The following GPR158 variants were observed in gnomAD, a reference collection of about 807,000 sequenced individuals.
GPR158 encodes the protein metabotropic glycine receptor.
GPR158 carries 30 observed loss-of-function variants against 78.2 expected under a neutral mutation model. The observed-to-expected ratio is 0.38, with a 90% CI of 0.29 to 0.52. The LOEUF is 0.52. Among genes scored for constraint, GPR158 ranks in the 20% least tolerant of loss-of-function variants. The pLI, the probability that GPR158 is intolerant of heterozygous loss-of-function variation, is 0.83. For missense variants in GPR158, 1,463 were observed against 1,523.5 expected, an observed-to-expected ratio of 0.96 and a Z score of 0.66; for synonymous variants, 581 against 591.1, an observed-to-expected ratio of 0.98 and a Z score of 0.25.
At chr10:25,453,812 A>G (rs1248053908) in intron 4 of GPR158, among the ~76,000 whole-genome samples, 2 of 152,180 alleles carry the variant, frequency 1.3e-5, no homozygotes, top group African/African-American at 4.8e-5. Context: ...TGCCAGTGCC[A>G]TGCTGTTTTG....
chr10:25,529,604 T>C (rs902062505), intron 5 of GPR158, among the ~76,000 whole-genome samples: 5 of 152,034 alleles, frequency 3.3e-5, no homozygotes, highest in African/African-American at 1.2e-4. Flanking sequence ...AAGTACAAGA[T>C]AAAAGCGCAA....
intron 5 of GPR158, among the ~76,000 whole-genome samples, chr10:25,520,648 G>C (rs899970987): frequency 1.3e-5 from 2 of 151,572 alleles, no homozygotes; most frequent in South Asian, 2.1e-4. Flanking sequence ...AGGTGTCAGT[G>C]TGCCCCTGCT....
chr10:25,419,677 T>C (rs1834719781), intron 4 of GPR158, among the ~76,000 whole-genome samples: 1 of 152,162 alleles, frequency 6.6e-6, no homozygotes, highest in Admixed American at 6.5e-5. Context: ...GTTGTTGTTG[T>C]TGTTGTTTTA....
chr10:25,388,464 C>T (rs1277153440), intron 2 of GPR158, among the ~76,000 whole-genome samples: 5 of 152,238 alleles, frequency 3.3e-5, no homozygotes, highest in East Asian at 1.9e-4. Flanking sequence ...CCCATAAGCA[C>T]CAGGCCAAAT....
At position 25,338,033 on chromosome 10, in the gene GPR158, A is replaced by C. The variant is rs564170313; in HGVS notation, c.1009-57878A>C. Among the ~76,000 whole-genome samples the C allele has an allele frequency of 2.6e-5, 4 of 151,944 alleles. No individual in the cohort carries two copies. The East Asian group carries it at 5.8e-4, about 22-fold the overall frequency. ...TATTGGGGATGTAAGTTCTTTATCAAATGTAGGTATTGAAATATCTTTTCC... is the reference window on the plus strand; with the variant it reads ...TATTGGGGATGTAAGTTCTTTATCACATGTAGGTATTGAAATATCTTTTCC... On this transcript the variant is annotated intron_variant, in intron 2 of 10. Coordinates refer to ENST00000376351, the MANE Select transcript of GPR158 (RefSeq NM_020752.3).
At chr10:25,277,314 A>C (rs1422122910) in intron 2 of GPR158, among the ~76,000 whole-genome samples, 1 of 152,142 alleles carries the variant, frequency 6.6e-6, no homozygotes, top group African/African-American at 2.4e-5. Context: ...TTTTCAGATA[A>C]AGTTATAATG....
At chr10:25,204,298 G>C (rs1852982960) in intron 1 of GPR158, among the ~76,000 whole-genome samples, 1 of 152,164 alleles carries the variant, frequency 6.6e-6, no homozygotes, top group South Asian at 2.1e-4. Context: ...ACGTTGAATA[G>C]GAGTGTTGAG....
intron 7 of GPR158, among the ~76,000 whole-genome samples, chr10:25,577,364 T>A (rs1047849774): frequency 6.6e-6 from 1 of 152,086 alleles, no homozygotes; most frequent in Non-Finnish European, 1.5e-5. Flanking sequence ...GGCTTAACCG[T>A]GAGGGTGGTG....
In GPR158 at chr10:25,536,902, T is replaced by C. The variant is rs548833122; in HGVS notation, c.1405-14074T>C. 2.0e-5 allele frequency among the ~76,000 whole-genome samples: 3 copies of C among 152,304 alleles called. No individual in the cohort carries two copies. The South Asian group carries it at 6.2e-4, about 32-fold the overall frequency. Reference sequence around the variant, plus strand: ...ATCTTGGGCCTCACCACAAACCTACTGAAGCACACTTTGCATTTTGGCAAG... The same window carrying C: ...ATCTTGGGCCTCACCACAAACCTACCGAAGCACACTTTGCATTTTGGCAAG... On this transcript the variant is annotated intron_variant, in intron 5 of 10. Coordinates refer to ENST00000376351, the MANE Select transcript of GPR158 (RefSeq NM_020752.3).
chr10:25,495,663 T>TTACC (rs984750353), intron 5 of GPR158, among the ~76,000 whole-genome samples: 2 of 151,824 alleles, frequency 1.3e-5, no homozygotes, highest in Admixed American at 6.6e-5. Context: ...TGATGATGAG[T>TTACC]GGTATGTTGT....
At chr10:25,543,789 CAA>C (rs1321529446) in intron 5 of GPR158, among the ~76,000 whole-genome samples, 3 of 152,114 alleles carry the variant, frequency 2.0e-5, no homozygotes, top group Non-Finnish European at 4.4e-5. Flanking sequence ...TACCTTGCTA[CAA>C]AAGATAAAAT....
chr10:25,509,318 C>A (rs1242988858), intron 5 of GPR158, among the ~76,000 whole-genome samples: 1 of 152,186 alleles, frequency 6.6e-6, no homozygotes, highest in East Asian at 1.9e-4. Context: ...ACTTCGTGCG[C>A]AGGGTTGTTT....
chr10:25,517,401 A>G (rs1001263283), intron 5 of GPR158, among the ~76,000 whole-genome samples: 1 of 152,052 alleles, frequency 6.6e-6, no homozygotes, highest in Non-Finnish European at 1.5e-5. Context: ...AGAACTTCCA[A>G]CACTATGTTG....
chr10:25,584,008 G>GA (rs1190406241), intron 7 of GPR158, among the ~76,000 whole-genome samples: 21 of 152,068 alleles, frequency 1.4e-4, no homozygotes, highest in Non-Finnish European at 2.2e-4. Flanking sequence ...CCAGCCGTTT[G>GA]AAAAAATAAC....
intron 1 of GPR158, among the ~76,000 whole-genome samples, chr10:25,201,684 A>G (rs1852931651): frequency 1.3e-5 from 2 of 152,026 alleles, no homozygotes; most frequent in African/African-American, 4.8e-5. Flanking sequence ...AGGGTTTTTA[A>G]CAAAGGAATG....
At chr10:25,579,383 G>A (rs540045381) in intron 7 of GPR158, among the ~76,000 whole-genome samples, 37 of 152,258 alleles carry the variant, frequency 2.4e-4, no homozygotes, top group Non-Finnish European at 3.7e-4. Flanking sequence ...ACCAGATCTT[G>A]ACACCTAGAT....
At chr10:25,368,111 A>C (rs1588828580) in intron 2 of GPR158, among the ~76,000 whole-genome samples, 1 of 151,820 alleles carries the variant, frequency 6.6e-6, no homozygotes, top group Non-Finnish European at 1.5e-5. Flanking sequence ...AATTAGCCCC[A>C]CCTGCCAGAA....
At chr10:25,368,949 A>G (rs917482367) in intron 2 of GPR158, among the ~76,000 whole-genome samples, 9 of 84,210 alleles carry the variant, frequency 1.1e-4, no homozygotes, top group Non-Finnish European at 1.7e-4. Context: ...ATGGGAGTTC[A>G]CTCATGATTT....
At chr10:25,371,282 G>A (rs2130549531) in intron 2 of GPR158, among the ~76,000 whole-genome samples, 1 of 151,838 alleles carries the variant, frequency 6.6e-6, no homozygotes, top group East Asian at 1.9e-4. Context: ...TTTACATGTT[G>A]GAATGATTTT....
Sources: gnomAD v4.1 joint callset for allele counts (sites outside exome capture counted in the v4.1 genomes callset) on GRCh38, gnomAD v4.1.1 for gene constraint, MANE v1.5 for transcripts, NCBI Gene and HGNC (gene_info 2026-07-23, HGNC 2026-07-21) for gene names.